The following GATAD2A variants were observed in gnomAD, a reference collection of about 807,000 sequenced individuals.
GATAD2A encodes the protein transcriptional repressor p66-alpha.
In GATAD2A, 12 loss-of-function variants were observed where a neutral mutation model predicts 68.5. The observed-to-expected ratio is 0.18, with a 90% CI of 0.11 to 0.28. The LOEUF (loss-of-function observed/expected upper bound fraction) is 0.28. GATAD2A is among the 10% of genes least tolerant of loss of function. GATAD2A has a pLI of 1.00. For missense variants in GATAD2A, 755 were observed against 868.5 expected, an observed-to-expected ratio of 0.87 and a Z score of 1.64; for synonymous variants, 410 against 375.3, an observed-to-expected ratio of 1.09 and a Z score of -1.07.
chr19:19,423,751 C>T (rs1022366456), intron 1 of GATAD2A, among the ~76,000 whole-genome samples: 1 of 152,142 alleles, frequency 6.6e-6, no homozygotes, highest in Non-Finnish European at 1.5e-5. Context: ...AGAATGAATG[C>T]GAAGTGTGGG....
In GATAD2A at chr19:19,502,311, C is replaced by G. The variant is rs1274942596; in HGVS notation, c.1579-20C>G. 1 of 1,577,026 alleles carries G rather than the reference C, an allele frequency of 6.3e-7. No individual in the cohort carries two copies. Among genetic ancestry groups the G allele is most frequent in the South Asian group, 1.1e-5 (1 of 89,238 alleles). ...TGTCTTTTCCCTGCATGAGCCGTCACCCCCCTTTCTCCACTGCAGGCCTCC... is the reference window on the plus strand; with the variant it reads ...TGTCTTTTCCCTGCATGAGCCGTCAGCCCCCTTTCTCCACTGCAGGCCTCC... On this transcript the variant is annotated intron_variant, in intron 10 of 11. Transcript: ENST00000683918.
chr19:19,423,088 C>A (rs963262205), intron 1 of GATAD2A, among the ~76,000 whole-genome samples: 7 of 152,174 alleles, frequency 4.6e-5, no homozygotes, highest in African/African-American at 1.7e-4. Context: ...CTCACTGGAG[C>A]CTTGACTTCC....
intron 2 of GATAD2A, among the ~76,000 whole-genome samples, chr19:19,490,965 G>C (rs2059754641): frequency 6.6e-6 from 1 of 152,226 alleles, no homozygotes; most frequent in African/African-American, 2.4e-5. Flanking sequence ...GAGCTGCTTG[G>C]TTGGGGACAA....
chr19:19,416,239 G>GTC (rs1464717922), intron 1 of GATAD2A, among the ~76,000 whole-genome samples: 1 of 152,176 alleles, frequency 6.6e-6, no homozygotes, highest in Non-Finnish European at 1.5e-5. Context: ...CCTGCACTGG[G>GTC]CTCCAGTGGT....
chr19:19,436,919 C>A (rs1172303688), intron 1 of GATAD2A, among the ~76,000 whole-genome samples: 1 of 152,194 alleles, frequency 6.6e-6, no homozygotes, highest in Non-Finnish European at 1.5e-5. Context: ...CCTAGGGATT[C>A]ATGCCCCATC....
chr19:19,399,617 GT>G lies in GATAD2A; in HGVS notation c.-7+13481del, dbSNP rs1698266601. Among the ~76,000 whole-genome samples, 4 of 152,258 alleles carry G rather than the reference GT, an allele frequency of 2.6e-5. No individual in the cohort carries two copies. In the South Asian group the frequency reaches 8.3e-4, roughly 32 times the overall value. On this transcript the variant is annotated intron_variant, in intron 1 of 11. Coordinates refer to the GATAD2A transcript ENST00000360315. ...ATATCTTAGTCTTCCCAAAACAGGAGTTAGTTAGATATAGACCTGATTACGT... is the reference window on the plus strand; with the variant it reads ...ATATCTTAGTCTTCCCAAAACAGGAGTAGTTAGATATAGACCTGATTACGT...
intron 2 of GATAD2A, among the ~76,000 whole-genome samples, chr19:19,485,136 G>A (rs572051888): frequency 1.3e-5 from 2 of 152,346 alleles, no homozygotes; most frequent in South Asian, 2.1e-4. Context: ...TTAAGGCTCA[G>A]TGGGTAGTTA....
At position 19,508,846 on chromosome 19, in the gene GATAD2A, A is replaced by T. The variant is rs1466658027; in HGVS notation, c.*3372A>T. ...ACCAGATGGGAATAGAAGTTCCAAT[A>T]AGCAGGCTGGAATGGGTGGCTATAC... is the stretch of plus-strand genomic sequence containing the variant. On this transcript the variant is annotated 3_prime_UTR_variant, in exon 12 of 12. Transcript: ENST00000683918. The T allele has an allele frequency of 6.6e-6, 1 of 152,242 alleles. No individual in the cohort carries two copies. Among genetic ancestry groups the T allele is most frequent in the Non-Finnish European group, 1.5e-5 (1 of 68,048 alleles). The allele number at this position is 152,242 out of a possible 1,614,324, so 9.4% of individuals were successfully genotyped here.
intron 1 of GATAD2A, among the ~76,000 whole-genome samples, chr19:19,428,991 A>G (rs889091986): frequency 6.1e-5 from 9 of 146,420 alleles, no homozygotes; most frequent in Non-Finnish European, 1.0e-4. Context: ...CTGATTAACT[A>G]TTTTAATTAA....
At chr19:19,411,863 C>T (rs1201743090) in intron 1 of GATAD2A, among the ~76,000 whole-genome samples, 1 of 152,172 alleles carries the variant, frequency 6.6e-6, no homozygotes, top group African/African-American at 2.4e-5. Context: ...TCAGTTATCA[C>T]ATATAATGTA....
At position 19,408,415 on chromosome 19, in the gene GATAD2A, C is replaced by T. The variant is rs367558569; in HGVS notation, c.-7+2396C>T. ...TGAGGGAAAAATATAATGCTACTTTCGGTAGGAAAAAATCCTGGAAGGATT... is the reference window on the plus strand; with the variant it reads ...TGAGGGAAAAATATAATGCTACTTTTGGTAGGAAAAAATCCTGGAAGGATT... On this transcript the variant is annotated intron_variant, in intron 1 of 11. Transcript: ENST00000683918. Among the ~76,000 whole-genome samples the T allele has an allele frequency of 3.2e-4, 48 of 152,198 alleles. 1 individual carries two copies. The highest frequency in any genetic ancestry group is 1.1e-3 in the African/African-American group (47 of 41,542).
chr19:19,445,224 GGTT>G (rs949999826), intron 1 of GATAD2A, among the ~76,000 whole-genome samples: 3 of 152,102 alleles, frequency 2.0e-5, no homozygotes, highest in Non-Finnish European at 4.4e-5. Context: ...ATGGCAGTGT[GGTT>G]GTTTGGGGTC....
chr19:19,483,781 A>T (rs1009327740), intron 2 of GATAD2A, among the ~76,000 whole-genome samples: 18 of 130,020 alleles, frequency 1.4e-4, no homozygotes, highest in Non-Finnish European at 2.6e-4. Context: ...TACCCGGCTA[A>T]TTTTTTTTTT....
chr19:19,479,933 G>A (rs937258905), intron 2 of GATAD2A, among the ~76,000 whole-genome samples: 1 of 149,566 alleles, frequency 6.7e-6, no homozygotes, highest in Non-Finnish European at 1.5e-5. Context: ...TGCCTCCCAG[G>A]TTCTAGTGAT....
intron 1 of GATAD2A, among the ~76,000 whole-genome samples, chr19:19,407,091 T>A (rs2050366285): frequency 6.6e-6 from 1 of 152,240 alleles, no homozygotes. Flanking sequence ...GTTACATCTC[T>A]GGTTCTGTGT....
chr19:19,475,487 C>CG (rs1555713823), intron 2 of GATAD2A, among the ~76,000 whole-genome samples: 6 of 41,832 alleles, frequency 1.4e-4, no homozygotes, highest in African/African-American at 4.1e-4. Flanking sequence ...CTGGAGCCCC[C>CG]CCCCCTCCAC....
At chr19:19,458,277 GC>G (rs762437166) in intron 1 of GATAD2A, among the ~76,000 whole-genome samples, 2 of 152,172 alleles carry the variant, frequency 1.3e-5, no homozygotes, top group East Asian at 3.9e-4. Flanking sequence ...CTGTTCCCCT[GC>G]CTGGAACGTC....
intron 1 of GATAD2A, among the ~76,000 whole-genome samples, chr19:19,424,457 T>G (rs1184530980): frequency 6.6e-6 from 1 of 152,086 alleles, no homozygotes; most frequent in Non-Finnish European, 1.5e-5. Flanking sequence ...CTTGAACTCC[T>G]GAGATCAAGA....
intron 1 of GATAD2A, among the ~76,000 whole-genome samples, chr19:19,416,032 C>T (rs1326681071): frequency 6.6e-6 from 1 of 152,058 alleles, no homozygotes; most frequent in East Asian, 1.9e-4. Context: ...TGATCACAAT[C>T]ACTATAGCCT....
Sources: allele counts gnomAD v4.1 joint callset (sites outside exome capture counted in the v4.1 genomes callset), GRCh38; gene constraint gnomAD v4.1.1; transcripts MANE v1.5; gene names NCBI Gene and HGNC (gene_info 2026-07-23, HGNC 2026-07-21).